DKK2: variants seen among roughly 807,000 people sequenced by gnomAD.
The protein encoded by DKK2 is dickkopf Wnt signaling pathway inhibitor 2.
A neutral mutation model predicts 28.1 loss-of-function variants in DKK2; 11 were observed. The observed-to-expected ratio is 0.39, with a 90% CI of 0.25 to 0.65. The LOEUF (loss-of-function observed/expected upper bound fraction) is 0.65, where lower values mean the gene tolerates loss of function less well. DKK2 is among the 30% of genes least tolerant of loss of function. The probability of loss-of-function intolerance (pLI) is 0.47; values close to 1 mark genes in which losing one functional copy is unlikely to be tolerated. For missense variants in DKK2, 326 were observed against 335.5 expected (o/e 0.97, Z 0.22); for synonymous variants, 135 against 126.5 (o/e 1.07, Z -0.45).
intron 1 of DKK2, among the ~76,000 whole-genome samples, chr4:106,995,109 T>C (rs556663601): frequency 2.2e-4 from 33 of 152,268 alleles, no homozygotes; most frequent in Non-Finnish European, 3.7e-4. Context: ...TTTATGTTTC[T>C]GAAATTTAAT....
intron 1 of DKK2, among the ~76,000 whole-genome samples, chr4:106,946,105 T>C (rs978768740): frequency 1.3e-5 from 2 of 152,156 alleles, no homozygotes; most frequent in African/African-American, 2.4e-5. Context: ...ACTTTATCTA[T>C]GTGTCATTTT....
intron 1 of DKK2, among the ~76,000 whole-genome samples, chr4:106,945,445 A>G (rs1053562317): frequency 6.6e-5 from 10 of 152,132 alleles, no homozygotes; most frequent in Non-Finnish European, 4.4e-5. Context: ...GTTATATAAT[A>G]ATAATTAATA....
At chr4:107,029,927 T>G (rs990247493) in intron 1 of DKK2, among the ~76,000 whole-genome samples, 2 of 152,130 alleles carry the variant, frequency 1.3e-5, no homozygotes, top group African/African-American at 4.8e-5. Context: ...TTTTAAAAAT[T>G]GACTACTTTT....
intron 1 of DKK2, among the ~76,000 whole-genome samples, chr4:106,973,919 G>A (rs777379714): frequency 1.2e-4 from 19 of 152,184 alleles, no homozygotes; most frequent in Non-Finnish European, 2.1e-4. Flanking sequence ...TGTATAAGGT[G>A]TAAGGAAGGG....
intron 1 of DKK2, among the ~76,000 whole-genome samples, chr4:106,962,151 T>A (rs763284861): frequency 6.6e-5 from 10 of 152,190 alleles, no homozygotes; most frequent in Admixed American, 3.3e-4. Context: ...TACAGTACTA[T>A]TAGCAGTATC....
intron 1 of DKK2, among the ~76,000 whole-genome samples, chr4:106,935,290 T>C (rs1001546282): frequency 4.6e-5 from 7 of 152,184 alleles, no homozygotes; most frequent in Non-Finnish European, 1.0e-4. Context: ...GGGCGAGGCA[T>C]TGCCTCACTT....
intron 1 of DKK2, among the ~76,000 whole-genome samples, chr4:107,003,749 G>T (rs1182094773): frequency 1.3e-5 from 2 of 152,268 alleles, no homozygotes; most frequent in South Asian, 2.1e-4. Context: ...CCTGTCTCAG[G>T]ACCGGGTCCA....
chr4:107,002,845 T>A (rs1454767883), intron 1 of DKK2, among the ~76,000 whole-genome samples: 1 of 152,226 alleles, frequency 6.6e-6, no homozygotes, highest in Non-Finnish European at 1.5e-5. Flanking sequence ...ACAAATCACT[T>A]GACTTTTCTC....
chr4:106,979,074 T>G (rs1722989863), intron 1 of DKK2, among the ~76,000 whole-genome samples: 2 of 138,120 alleles, frequency 1.4e-5, no homozygotes, highest in Non-Finnish European at 3.2e-5. Context: ...TGTTTTTGTT[T>G]TTGTTTTTTT....
At chr4:106,940,076 A>C (rs1432566524) in intron 1 of DKK2, among the ~76,000 whole-genome samples, 1 of 152,198 alleles carries the variant, frequency 6.6e-6, no homozygotes, top group East Asian at 1.9e-4. Context: ...AAAACACCAA[A>C]AGCAATGGCA....
chr4:106,935,575 C>T (rs1724572025), intron 1 of DKK2, among the ~76,000 whole-genome samples: 2 of 152,220 alleles, frequency 1.3e-5, no homozygotes, highest in Non-Finnish European at 1.5e-5. Flanking sequence ...GCTTAGATAA[C>T]CAAAGCAGCC....
intron 1 of DKK2, among the ~76,000 whole-genome samples, chr4:106,928,919 GGA>G (rs1452101331): frequency 1.3e-5 from 2 of 152,022 alleles, no homozygotes; most frequent in African/African-American, 4.8e-5. Context: ...TTGGTGAAAG[GGA>G]GAGAGAGAGG....
intron 1 of DKK2, among the ~76,000 whole-genome samples, chr4:107,021,085 T>G (rs1482197248): frequency 1.3e-5 from 2 of 152,120 alleles, no homozygotes; most frequent in Admixed American, 1.3e-4. Flanking sequence ...ACTGAGGGTT[T>G]TCCACCTTAA....
chr4:107,028,365 T>C (rs1723825024), intron 1 of DKK2, among the ~76,000 whole-genome samples: 1 of 152,178 alleles, frequency 6.6e-6, no homozygotes, highest in Admixed American at 6.5e-5. Context: ...ATTTGGTGCA[T>C]GAGCATTTGA....
intron 1 of DKK2, among the ~76,000 whole-genome samples, chr4:106,956,963 G>A (rs567506590): frequency 1.6e-3 from 244 of 151,464 alleles, no homozygotes; most frequent in Middle Eastern, 0.014. Flanking sequence ...GAGTGAACAG[G>A]CAACCTACAA....
intron 1 of DKK2, among the ~76,000 whole-genome samples, chr4:106,943,114 A>G (rs1026599903): frequency 6.6e-6 from 1 of 152,080 alleles, no homozygotes; most frequent in Non-Finnish European, 1.5e-5. Context: ...TCATTTGGAG[A>G]TTATATCAAC....
chr4:107,028,947 CT>C (rs1723834516), intron 1 of DKK2, among the ~76,000 whole-genome samples: 1 of 152,140 alleles, frequency 6.6e-6, no homozygotes, highest in Non-Finnish European at 1.5e-5. Flanking sequence ...ACAGAATCTA[CT>C]TTCTACTTGG....
intron 1 of DKK2, among the ~76,000 whole-genome samples, chr4:107,016,907 A>G (rs999322739): frequency 3.9e-5 from 6 of 151,966 alleles, no homozygotes; most frequent in African/African-American, 1.4e-4. Flanking sequence ...GCACTTGAAT[A>G]TATAAATGTG....
chr4:107,006,857 G>C (rs1356913031), intron 1 of DKK2, among the ~76,000 whole-genome samples: 1 of 152,182 alleles, frequency 6.6e-6, no homozygotes, highest in Non-Finnish European at 1.5e-5. Flanking sequence ...ATCACTTTGA[G>C]AGCTAAGTAA....
Sources: allele counts gnomAD v4.1 joint callset (sites outside exome capture counted in the v4.1 genomes callset), GRCh38; gene constraint gnomAD v4.1.1; transcripts MANE v1.5; gene names NCBI Gene and HGNC (gene_info 2026-07-23, HGNC 2026-07-21).